Variants in MAN2A1 observed in about 807,000 individuals in gnomAD.
MAN2A1 encodes alpha-mannosidase 2.
MAN2A1 carries 76 observed loss-of-function variants against 142.6 expected under a neutral mutation model. The ratio of observed to expected loss-of-function variants is 0.53; its 90% CI spans 0.44 to 0.65. MAN2A1 has a LOEUF of 0.65. Among genes scored for constraint, MAN2A1 ranks in the 30% least tolerant of loss-of-function variants. The pLI is 0.00. For missense variants in MAN2A1, 1,311 were observed against 1,365.1 expected (o/e 0.96, Z 0.62); for synonymous variants, 559 against 473.2 (o/e 1.18, Z -2.35).
intron 4 of MAN2A1, among the ~76,000 whole-genome samples, chr5:109,735,224 G>A (rs1752053476): frequency 6.6e-6 from 1 of 151,872 alleles, no homozygotes; most frequent in African/African-American, 2.4e-5. Flanking sequence ...CCATTTGCTT[G>A]GTAGATCTTC....
At chr5:109,807,663 C>G (rs964104835) in intron 12 of MAN2A1, among the ~76,000 whole-genome samples, 2 of 152,106 alleles carry the variant, frequency 1.3e-5, no homozygotes, top group Non-Finnish European at 2.9e-5. Flanking sequence ...ATTGGGCCCA[C>G]CTAGACAGCC....
intron 8 of MAN2A1, among the ~76,000 whole-genome samples, chr5:109,780,505 A>G (rs1033883239): frequency 5.6e-5 from 8 of 142,276 alleles, no homozygotes; most frequent in Middle Eastern, 3.5e-3. Flanking sequence ...AATGACTTGC[A>G]ATATCTGTGT....
chr5:109,837,331 C>T (rs1755082890), intron 16 of MAN2A1, among the ~76,000 whole-genome samples: 1 of 151,838 alleles, frequency 6.6e-6, no homozygotes, highest in Admixed American at 6.6e-5. Context: ...CTTTATTTCA[C>T]TCAAATAGCT....
At position 109,846,009 on chromosome 5, in the gene MAN2A1, A is replaced by G. The variant is rs1282192244; in HGVS notation, c.2842+3A>G. On this transcript the variant is annotated splice_donor_region_variant and intron_variant, in intron 18 of 21. Coordinates refer to ENST00000261483, the MANE Select transcript of MAN2A1 (RefSeq NM_002372.4). ...AGGGGTTTCGAGTTTGAATAGTGGT[A>G]TGTATTGCTTACACTCTTTTCCACT... 3.1e-6 allele frequency: 5 copies of G among 1,608,872 alleles called. No homozygotes were observed. The highest frequency in any genetic ancestry group is 4.2e-6 in the Non-Finnish European group (5 of 1,177,604).
intron 5 of MAN2A1, 99 bp from the exon 6 acceptor site, chr5:109,767,436 T>C: frequency 6.4e-6 from 6 of 940,388 alleles, no homozygotes; most frequent in Non-Finnish European, 6.4e-6. Context: ...CTGATATCTC[T>C]AGGAGACTAT....
intron 12 of MAN2A1, among the ~76,000 whole-genome samples, 188 bp downstream of exon 12, chr5:109,789,715 T>C (rs1019446): frequency 0.74 from 111,706 of 151,592 alleles, 42,163 homozygotes; most frequent in East Asian, 0.95. Flanking sequence ...GTGCTTAGTA[T>C]ATTGACTGCT....
chr5:109,699,995 A>C (rs1304358166), intron 1 of MAN2A1, among the ~76,000 whole-genome samples: 1 of 152,214 alleles, frequency 6.6e-6, no homozygotes, highest in African/African-American at 2.4e-5. Context: ...ACTTGAAGGA[A>C]ATATTCTGAG....
chr5:109,804,379 A>G (rs1383349233), intron 12 of MAN2A1: 6 of 604,086 alleles, frequency 9.9e-6, no homozygotes, highest in Middle Eastern at 3.6e-4. Context: ...AGGCAAGACA[A>G]TTGTATGTGA....
chr5:109,767,798 C>A, intron 6 of MAN2A1, 90 bp downstream of exon 6: 1 of 1,092,700 alleles, frequency 9.2e-7, no homozygotes, highest in Non-Finnish European at 1.3e-6. Context: ...GTTTTGTTCA[C>A]TGTCAGTCTT....
intron 16 of MAN2A1, among the ~76,000 whole-genome samples, chr5:109,841,215 G>A (rs1755194455): frequency 6.6e-6 from 1 of 152,086 alleles, no homozygotes; most frequent in Admixed American, 6.5e-5. Context: ...TTCTTTAGAG[G>A]TGATTTGTGA....
At chr5:109,743,621 T>G (rs1368246299) in intron 4 of MAN2A1, among the ~76,000 whole-genome samples, 1 of 152,166 alleles carries the variant, frequency 6.6e-6, no homozygotes, top group African/African-American at 2.4e-5. Flanking sequence ...AGTTAGTCCC[T>G]AAACTCTGTG....
intron 1 of MAN2A1, among the ~76,000 whole-genome samples, chr5:109,701,834 G>A (rs1161373140): frequency 2.6e-5 from 4 of 152,180 alleles, no homozygotes; most frequent in Non-Finnish European, 5.9e-5. Flanking sequence ...TTCCATTGGG[G>A]TGTTGGAGAC....
intron 16 of MAN2A1, among the ~76,000 whole-genome samples, chr5:109,834,018 A>T (rs1754998332): frequency 6.6e-6 from 1 of 151,882 alleles, no homozygotes; most frequent in Non-Finnish European, 1.5e-5. Flanking sequence ...TGCTTGTTTT[A>T]TTTTTTTTAT....
At chr5:109,714,680 T>A (rs1157655286) in intron 2 of MAN2A1, among the ~76,000 whole-genome samples, 1 of 152,218 alleles carries the variant, frequency 6.6e-6, no homozygotes, top group African/African-American at 2.4e-5. Context: ...GTAAATATTT[T>A]AAAGTTGGAC....
intron 4 of MAN2A1, among the ~76,000 whole-genome samples, chr5:109,750,860 C>T (rs1419356078): frequency 6.6e-6 from 1 of 151,856 alleles, no homozygotes; most frequent in Non-Finnish European, 1.5e-5. Flanking sequence ...TTAATTGATG[C>T]AAATATTTGT....
chr5:109,790,793 A>G (rs2112680698), intron 12 of MAN2A1, among the ~76,000 whole-genome samples: 1 of 152,092 alleles, frequency 6.6e-6, no homozygotes, highest in East Asian at 1.9e-4. Flanking sequence ...TTTGCTGGTT[A>G]TAAGAATAAT....
intron 1 of MAN2A1, among the ~76,000 whole-genome samples, chr5:109,693,390 C>T (rs1750726541): frequency 6.6e-6 from 1 of 150,680 alleles, no homozygotes; most frequent in Non-Finnish European, 1.5e-5. Context: ...TTTAGTAGAG[C>T]CAAGCAGGTC....
At chr5:109,793,449 A>G (rs1753784887) in intron 12 of MAN2A1, among the ~76,000 whole-genome samples, 1 of 152,152 alleles carries the variant, frequency 6.6e-6, no homozygotes, top group South Asian at 2.1e-4. Flanking sequence ...ATATTGACTG[A>G]AGAGAATATT....
At chr5:109,804,942 C>A (rs1000851178) in intron 12 of MAN2A1, among the ~76,000 whole-genome samples, 1 of 152,128 alleles carries the variant, frequency 6.6e-6, no homozygotes, top group African/African-American at 2.4e-5. Context: ...TCCAAAGTTA[C>A]AGAGTTATAT....
Sources: gnomAD v4.1 joint callset for allele counts (sites outside exome capture counted in the v4.1 genomes callset) on GRCh38, gnomAD v4.1.1 for gene constraint, MANE v1.5 for transcripts, NCBI Gene and HGNC (gene_info 2026-07-23, HGNC 2026-07-21) for gene names.